ADAM18: variants seen among roughly 807,000 people sequenced by gnomAD.
ADAM18 encodes disintegrin and metalloproteinase domain-containing protein 18.
Under a neutral mutation model 94.4 loss-of-function variants are expected in ADAM18, and 117 were observed. The observed-to-expected ratio is 1.24, with a 90% CI of 1.07 to 1.45. ADAM18 has a LOEUF of 1.45. ADAM18 is among the 40% of genes most tolerant of loss of function. ADAM18 has a pLI of 0.00. For missense variants in ADAM18, 936 were observed against 880.0 expected, an observed-to-expected ratio of 1.06 and a Z score of -0.81; for synonymous variants, 327 against 291.6, an observed-to-expected ratio of 1.12 and a Z score of -1.24.
chr8:39,719,138 A>T (rs1822671433), intron 18 of ADAM18, among the ~76,000 whole-genome samples: 2 of 151,466 alleles, frequency 1.3e-5, no homozygotes, highest in African/African-American at 4.8e-5. Context: ...TCATTAACAG[A>T]CATACAGGTC....
At chr8:39,584,732 C>T (rs1238815942) in intron 1 of ADAM18, 55 bp downstream of exon 1, 10 of 1,584,140 alleles carry the variant, frequency 6.3e-6, no homozygotes, top group Non-Finnish European at 7.8e-6. Flanking sequence ...GGGCTGGGCT[C>T]TTACTGGGAG....
intron 12 of ADAM18, among the ~76,000 whole-genome samples, chr8:39,661,081 G>T (rs975700669): frequency 6.7e-6 from 1 of 149,678 alleles, no homozygotes; most frequent in African/African-American, 2.5e-5. Context: ...GATCATTTAA[G>T]TACATGATCA....
intron 6 of ADAM18, chr8:39,611,356 AGCTCAAAGCAC>A (rs1819266233): frequency 1.2e-6 from 1 of 803,922 alleles, no homozygotes; most frequent in African/African-American, 1.9e-5. Context: ...CCATACTTGG[AGCTCAAAGCAC>A]TTCTTGGGTC....
chr8:39,594,749 TC>T (rs1371595621), intron 2 of ADAM18, among the ~76,000 whole-genome samples: 2 of 151,620 alleles, frequency 1.3e-5, no homozygotes, highest in East Asian at 1.9e-4. Context: ...TTTAAAAATT[TC>T]CTTTAGTTTT....
intron 2 of ADAM18, among the ~76,000 whole-genome samples, chr8:39,597,710 G>A (rs1455665609): frequency 6.6e-6 from 1 of 152,130 alleles, no homozygotes; most frequent in African/African-American, 2.4e-5. Flanking sequence ...ATCAGGTAGT[G>A]TCAGTCCTCC....
At position 39,606,333 on chromosome 8, in the gene ADAM18, A is replaced by T; in HGVS notation, c.159A>T (p.Gly53=). The T allele has an allele frequency of 6.4e-7, 1 of 1,562,308 alleles. No homozygotes were observed. The change falls in exon 3 of 20, where the codon GGA becomes GGT. Residue 53 remains glycine, a synonymous_variant. Coordinates refer to ENST00000265707, the MANE Select transcript of ADAM18 (RefSeq NM_014237.3). ...RKMIYIITID[G]QPYTLHLGKQ... ...TGATTTACATCATTACAATTGATGG[A>T]CAACCTTACACTCTACATCTCGGAA...
chr8:39,719,056 T>C lies in ADAM18; in HGVS notation c.2018-4692T>C, dbSNP rs191101034. Among the ~76,000 whole-genome samples, 6 of 149,284 alleles carry C rather than the reference T, an allele frequency of 4.0e-5. No homozygotes were observed. The East Asian group carries it at 1.2e-3, about 29-fold the overall frequency. On this transcript the variant is annotated intron_variant, in intron 18 of 19. Coordinates refer to ENST00000265707, the MANE Select transcript of ADAM18 (RefSeq NM_014237.3). ...AGTTAAAATGACTTTGAAAAAAAAATGTTGGAGGAAATACACTGCCCAATA... is the reference window on the plus strand; with the variant it reads ...AGTTAAAATGACTTTGAAAAAAAAACGTTGGAGGAAATACACTGCCCAATA...
intron 7 of ADAM18, among the ~76,000 whole-genome samples, chr8:39,636,119 A>G (rs1013324515): frequency 1.3e-5 from 2 of 151,632 alleles, no homozygotes; most frequent in Non-Finnish European, 2.9e-5. Context: ...TCTGGCCTCA[A>G]CCAATTCTTC....
chr8:39,656,316 G>A (rs886466082), intron 12 of ADAM18, among the ~76,000 whole-genome samples: 1 of 152,022 alleles, frequency 6.6e-6, no homozygotes, highest in African/African-American at 2.4e-5. Context: ...AAACAGAATG[G>A]AATCTAGAAT....
rs912839525 is a variant in ADAM18 at position 39,585,210 on chromosome 8, C to T, written c.56-66C>T. 25 of 1,319,002 alleles carry T rather than the reference C, an allele frequency of 1.9e-5. No individual in the cohort carries two copies. The East Asian group carries it at 5.1e-4, about 27-fold the overall frequency. 81.7% of individuals were successfully genotyped at this position (1,319,002 alleles called of 1,614,324 possible). A position where few individuals can be genotyped will look rare whatever the true frequency, so the allele number is the denominator to read the frequency against. On this transcript the variant is annotated intron_variant, in intron 1 of 19. Coordinates refer to ENST00000265707, the MANE Select transcript of ADAM18 (RefSeq NM_014237.3). ...CACCATGCAGTCCGGGATAAGAACC[C>T]GTGCTTGACTGAGACGATTGTTGAT...
intron 12 of ADAM18, among the ~76,000 whole-genome samples, chr8:39,650,450 G>A (rs1456593202): frequency 6.6e-6 from 1 of 152,006 alleles, no homozygotes. Flanking sequence ...AAAGTTGCAG[G>A]ATACAAAATC....
chr8:39,625,918 T>C (rs1234334507), intron 6 of ADAM18, among the ~76,000 whole-genome samples: 1 of 152,212 alleles, frequency 6.6e-6, no homozygotes, highest in African/African-American at 2.4e-5. Flanking sequence ...TATTGGATTC[T>C]ATTTGCTAGT....
intron 12 of ADAM18, among the ~76,000 whole-genome samples, chr8:39,653,462 C>G (rs1164294437): frequency 6.6e-6 from 1 of 152,000 alleles, no homozygotes; most frequent in Non-Finnish European, 1.5e-5. Flanking sequence ...TATTTATAAA[C>G]ACCAACATAA....
chr8:39,708,434 A>G (rs1344141131), intron 18 of ADAM18, among the ~76,000 whole-genome samples: 3 of 152,248 alleles, frequency 2.0e-5, no homozygotes, highest in African/African-American at 7.2e-5. Context: ...AGGCTGTTAA[A>G]AAACAACTGT....
In ADAM18 at chr8:39,642,540, G is replaced by T. The variant is rs1408308255; in HGVS notation, c.910-2798G>T. Among the ~76,000 whole-genome samples the T allele has an allele frequency of 2.0e-5, 3 of 151,700 alleles. No individual in the cohort carries two copies. The South Asian group carries it at 6.2e-4, about 32-fold the overall frequency. On this transcript the variant is annotated intron_variant, in intron 10 of 19. Coordinates refer to ENST00000265707, the MANE Select transcript of ADAM18 (RefSeq NM_014237.3). ...CTTTCCCCTTTGCTTGTTTTTGTTA[G>T]GTTTGTTGAAGGTCAGATAGTTGTA... is the stretch of plus-strand genomic sequence containing the variant.
At chr8:39,710,757 G>A (rs980396591) in intron 18 of ADAM18, among the ~76,000 whole-genome samples, 2 of 152,148 alleles carry the variant, frequency 1.3e-5, no homozygotes, top group African/African-American at 4.8e-5. Flanking sequence ...AGGAGAACAT[G>A]GAGGACTAAC....
chr8:39,627,429 A>T (rs1819801811), intron 6 of ADAM18, among the ~76,000 whole-genome samples: 1 of 151,998 alleles, frequency 6.6e-6, no homozygotes, highest in African/African-American at 2.4e-5. Flanking sequence ...ACAGATGGGG[A>T]TTATTACCAT....
chr8:39,633,530 A>G (rs955904559), intron 7 of ADAM18, among the ~76,000 whole-genome samples: 11 of 152,146 alleles, frequency 7.2e-5, no homozygotes, highest in African/African-American at 2.7e-4. Flanking sequence ...GAGAGCTCAG[A>G]TGGAAGTGAG....
intron 14 of ADAM18, among the ~76,000 whole-genome samples, chr8:39,674,419 T>C (rs1031338168): frequency 6.6e-6 from 1 of 152,202 alleles, no homozygotes; most frequent in African/African-American, 2.4e-5. Context: ...TTAAAGTTTG[T>C]TTTATCAGAT....
Sources: gnomAD v4.1 joint callset for allele counts (sites outside exome capture counted in the v4.1 genomes callset) on GRCh38, gnomAD v4.1.1 for gene constraint, MANE v1.5 for transcripts, NCBI Gene and HGNC (gene_info 2026-07-23, HGNC 2026-07-21) for gene names.